The following SMG7 variants were observed in gnomAD, a reference collection of about 807,000 sequenced individuals.
SMG7 encodes nonsense-mediated mRNA decay factor SMG7.
A neutral mutation model predicts 148.2 loss-of-function variants in SMG7; 34 were observed. The observed-to-expected ratio is 0.23, with a 90% CI of 0.17 to 0.31. The LOEUF (loss-of-function observed/expected upper bound fraction) is 0.31, where lower values mean the gene tolerates loss of function less well. SMG7 is among the 10% of genes least tolerant of loss of function. SMG7 has a pLI of 1.00. For missense variants in SMG7, 1,114 were observed against 1,408.4 expected, an observed-to-expected ratio of 0.79 and a Z score of 3.35; for synonymous variants, 492 against 515.1, an observed-to-expected ratio of 0.96 and a Z score of 0.61.
At chr1:183,478,325 C>T (rs1308016323) in intron 1 of SMG7, among the ~76,000 whole-genome samples, 3 of 152,194 alleles carry the variant, frequency 2.0e-5, no homozygotes, top group East Asian at 1.9e-4. Flanking sequence ...GCTTTTGTCC[C>T]GGAATATCAG....
At chr1:183,514,348 G>A (rs939486815) in intron 2 of SMG7, among the ~76,000 whole-genome samples, 6 of 152,090 alleles carry the variant, frequency 3.9e-5, no homozygotes, top group African/African-American at 1.2e-4. Context: ...GGATAATCTC[G>A]TGTCATCTTG....
chr1:183,474,763 C>A (rs1460927419), intron 1 of SMG7, among the ~76,000 whole-genome samples: 1 of 152,164 alleles, frequency 6.6e-6, no homozygotes, highest in Non-Finnish European at 1.5e-5. Flanking sequence ...AGAAAAAGAA[C>A]AACTCCACCC....
chr1:183,493,799 C>T (rs1657672906), intron 1 of SMG7, among the ~76,000 whole-genome samples: 1 of 152,220 alleles, frequency 6.6e-6, no homozygotes, highest in African/African-American at 2.4e-5. Context: ...AGGCTGTTCT[C>T]GAATGCCTGA....
chr1:183,478,811 T>A (rs1041326831), intron 1 of SMG7, among the ~76,000 whole-genome samples: 2 of 152,204 alleles, frequency 1.3e-5, no homozygotes, highest in Non-Finnish European at 2.9e-5. Context: ...GTTTAATTGA[T>A]CTTGTGTAGA....
At chr1:183,477,151 CCAGT>C (rs1314747346) in intron 1 of SMG7, among the ~76,000 whole-genome samples, 2 of 152,262 alleles carry the variant, frequency 1.3e-5, no homozygotes, top group Non-Finnish European at 2.9e-5. Flanking sequence ...ATAGGGAATA[CCAGT>C]CAAACAGGTC....
chr1:183,549,961 C>G, intron 20 of SMG7, 38 bp downstream of exon 20: 1 of 1,449,768 alleles, frequency 6.9e-7, no homozygotes, highest in Non-Finnish European at 9.6e-7. Flanking sequence ...CTTACATTTC[C>G]TGTACACTCA....
intron 15 of SMG7, 106 bp downstream of exon 15, chr1:183,544,603 A>C (rs1669553667): frequency 8.0e-7 from 1 of 1,245,278 alleles, no homozygotes; most frequent in Non-Finnish European, 1.1e-6. Context: ...CTAAGCCATA[A>C]AAAGTTCTAT....
At chr1:183,502,633 A>G (rs929556728) in intron 1 of SMG7, among the ~76,000 whole-genome samples, 1 of 152,222 alleles carries the variant, frequency 6.6e-6, no homozygotes, top group Non-Finnish European at 1.5e-5. Context: ...TGAAAATTTT[A>G]CTGAAGTAAA....
At chr1:183,543,589 A>G (rs1167031915) in intron 14 of SMG7, among the ~76,000 whole-genome samples, 15 of 152,192 alleles carry the variant, frequency 9.9e-5, no homozygotes, top group Admixed American at 9.2e-4. Flanking sequence ...ACTGCTCACA[A>G]TAAGGTCCAG....
At position 183,545,199 on chromosome 1, in the gene SMG7, G is replaced by T; in HGVS notation, c.2257G>T (p.Ala753Ser). ...PLTSLPAQPTAQSTSQLQVQA... is the reference protein window; with the variant it reads ...PLTSLPAQPTSQSTSQLQVQA... ...TACATCTTTACCAGCTCAGCCAACAGCACAGTCTACAAGCCAGCTGCAGGT... is the reference window on the plus strand; with the variant it reads ...TACATCTTTACCAGCTCAGCCAACATCACAGTCTACAAGCCAGCTGCAGGT... Residue 753 changes from alanine to serine, a missense_variant, in exon 16 of 23, where the codon GCA (alanine) becomes TCA (serine). Physicochemically the swap from Ala to Ser is moderately conservative, Grantham distance 99. This residue lies in a region of SMG7 where 788 missense variants were observed against 894.5 expected (regional missense o/e 0.88). Transcript: ENST00000688051. 1 of 1,614,092 alleles carries T rather than the reference G, an allele frequency of 6.2e-7. No homozygotes were observed. Among genetic ancestry groups the T allele is most frequent in the Non-Finnish European group, 8.5e-7 (1 of 1,180,026 alleles).
chr1:183,543,620 T>G (rs570659265), intron 14 of SMG7, among the ~76,000 whole-genome samples: 1 of 152,312 alleles, frequency 6.6e-6, no homozygotes, highest in South Asian at 2.1e-4. Flanking sequence ...CAATCTCCTT[T>G]TTTGGTTTCT....
At chr1:183,547,408 G>A (rs1273947450) in intron 18 of SMG7, among the ~76,000 whole-genome samples, 156 bp downstream of exon 18, 1 of 152,172 alleles carries the variant, frequency 6.6e-6, no homozygotes, top group Non-Finnish European at 1.5e-5. Flanking sequence ...ACCTTAAGTT[G>A]GTAGTAGGAT....
At chr1:183,538,709 A>G (rs1049090754) in intron 12 of SMG7, among the ~76,000 whole-genome samples, 1 of 152,114 alleles carries the variant, frequency 6.6e-6, no homozygotes, top group Non-Finnish European at 1.5e-5. Flanking sequence ...TCCATCTGTT[A>G]TCCTCTCTGC....
At chr1:183,475,868 T>C (rs1036362424) in intron 1 of SMG7, among the ~76,000 whole-genome samples, 2 of 151,374 alleles carry the variant, frequency 1.3e-5, no homozygotes, top group South Asian at 4.2e-4. Flanking sequence ...CTTAGTTCTT[T>C]GAAGAAGGGA....
At chr1:183,535,188 TTTTATA>T (rs1419875720) in intron 10 of SMG7, among the ~76,000 whole-genome samples, 6 of 152,310 alleles carry the variant, frequency 3.9e-5, no homozygotes, top group Non-Finnish European at 8.8e-5. Context: ...CTTATAGAGT[TTTTATA>T]TTTATGGGTA....
intron 12 of SMG7, among the ~76,000 whole-genome samples, chr1:183,538,999 A>C (rs1227443263): frequency 1.3e-5 from 2 of 152,034 alleles, no homozygotes; most frequent in African/African-American, 4.8e-5. Flanking sequence ...CAAAAAAAAA[A>C]ATTAGCCGGG....
chr1:183,524,726 GA>G (rs887993401), intron 4 of SMG7, among the ~76,000 whole-genome samples: 67 of 152,134 alleles, frequency 4.4e-4, no homozygotes, highest in African/African-American at 1.5e-3. Context: ...ATCCTCATCT[GA>G]AAAAAATTGA....
rs1262818751 is a variant in SMG7 at position 183,547,206 on chromosome 1, C to T, written c.2846C>T (p.Pro949Leu). 2.6e-6 allele frequency: 4 copies of T among 1,550,334 alleles called. No homozygotes were observed. Among genetic ancestry groups the T allele is most frequent in the Middle Eastern group, 1.7e-4 (1 of 5,982 alleles). ...LIFSNPPDLYPALLGPLASLP... is the reference protein window; with the variant it reads ...LIFSNPPDLYLALLGPLASLP... ...TTTTCTAACCCTCCTGATCTTTACC[C>T]GGCTCTGCTGGGGCCTCTCGCCTCT... Residue 949 changes from proline (P) to leucine (L), a missense_variant, in exon 18 of 23, where the codon CCG becomes CTG. By Grantham distance (98) the Pro-to-Leu change is moderately conservative. This residue lies in a region of SMG7 where 788 missense variants were observed against 894.5 expected (regional missense o/e 0.88). Transcript: ENST00000688051.
rs73054012 is a variant in SMG7 at position 183,509,160 on chromosome 1, A to G, written c.30-3677A>G. Reference sequence around the variant, plus strand: ...ATGTGTGTGGCTGTGTTCCAATAAAACTGTCTTCACAAAAATAGATCCAGG... The same window carrying G: ...ATGTGTGTGGCTGTGTTCCAATAAAGCTGTCTTCACAAAAATAGATCCAGG... On this transcript the variant is annotated intron_variant, in intron 1 of 22. Coordinates refer to ENST00000688051, the MANE Select transcript of SMG7 (RefSeq NM_001375584.1). 8.8e-3 allele frequency among the ~76,000 whole-genome samples: 1,339 copies of G among 152,228 alleles called. 19 individuals are homozygous for G. The highest frequency in any genetic ancestry group is 0.031 in the African/African-American group (1,287 of 41,524).
Sources: allele counts gnomAD v4.1 joint callset (sites outside exome capture counted in the v4.1 genomes callset), GRCh38; gene constraint gnomAD v4.1.1; regional missense constraint gnomAD v4.1.1; transcripts MANE v1.5; gene names NCBI Gene and HGNC (gene_info 2026-07-23, HGNC 2026-07-21).